The following SNTB1 variants were observed in gnomAD, a reference collection of about 807,000 sequenced individuals.
The protein encoded by SNTB1 is beta-1-syntrophin.
A neutral mutation model predicts 48.9 loss-of-function variants in SNTB1; 36 were observed. That is an observed-to-expected ratio of 0.74 (90% confidence interval 0.56 to 0.97). The LOEUF is 0.97. Among genes scored for constraint, SNTB1 ranks in the 50% least tolerant of loss-of-function variants. The pLI, the probability that SNTB1 is intolerant of heterozygous loss-of-function variation, is 0.00. For missense variants in SNTB1, 786 were observed against 703.4 expected, an observed-to-expected ratio of 1.12 and a Z score of -1.33; for synonymous variants, 299 against 294.6, an observed-to-expected ratio of 1.01 and a Z score of -0.15.
At chr8:120,553,753 C>T (rs114027208) in intron 4 of SNTB1, among the ~76,000 whole-genome samples, 9,647 of 152,200 alleles carry the variant, frequency 0.063, 673 homozygotes, top group African/African-American at 0.17. Flanking sequence ...AATCTCAGCA[C>T]TTTGGGAAGA....
chr8:120,663,648 G>C (rs554088378), intron 2 of SNTB1, among the ~76,000 whole-genome samples: 6 of 152,132 alleles, frequency 3.9e-5, no homozygotes, highest in African/African-American at 1.4e-4. Flanking sequence ...GGGGAAAGGT[G>C]GGCAAAAAAG....
In SNTB1 at chr8:120,558,820, T is replaced by C. The variant is rs1012806184; in HGVS notation, c.1137-9862A>G. 2.6e-5 allele frequency among the ~76,000 whole-genome samples: 4 copies of C among 152,308 alleles called. No homozygotes were observed. The East Asian group carries it at 7.7e-4, about 29-fold the overall frequency. ...AAATGAATATTGCATGGAGCAGTGT[T>C]TGGCACAGAATACATAGTAATAGTC... On this transcript the variant is annotated intron_variant, in intron 4 of 6. Coordinates refer to ENST00000517992, the MANE Select transcript of SNTB1 (RefSeq NM_021021.4).
chr8:120,573,475 T>C (rs6994929), intron 4 of SNTB1, among the ~76,000 whole-genome samples: 134,331 of 152,134 alleles, frequency 0.88, 59,579 homozygotes, highest in Middle Eastern at 0.94. Flanking sequence ...TCTCCCATTT[T>C]GTAAGTTGCC....
At chr8:120,564,629 C>T (rs957135247) in intron 4 of SNTB1, among the ~76,000 whole-genome samples, 3 of 117,454 alleles carry the variant, frequency 2.6e-5, no homozygotes, top group Admixed American at 1.3e-4. Context: ...AGTGCAATGG[C>T]GTGATATCGG....
At chr8:120,600,124 A>C (rs748381938) in intron 3 of SNTB1, among the ~76,000 whole-genome samples, 1 of 152,208 alleles carries the variant, frequency 6.6e-6, no homozygotes, top group Non-Finnish European at 1.5e-5. Context: ...TCCATCAAGA[A>C]GTAGAGTCTC....
chr8:120,775,314 C>G (rs555339973), intron 1 of SNTB1: 1 of 152,290 alleles, frequency 6.6e-6, no homozygotes, highest in East Asian at 1.9e-4. Flanking sequence ...AACATACTAA[C>G]CACATCCTGG....
intron 1 of SNTB1, among the ~76,000 whole-genome samples, chr8:120,712,811 T>C (rs1414144159): frequency 6.6e-6 from 1 of 152,098 alleles, no homozygotes; most frequent in Non-Finnish European, 1.5e-5. Context: ...ATGAAGAAGC[T>C]GAATCTCAGG....
chr8:120,596,883 A>G (rs559105321), intron 3 of SNTB1, among the ~76,000 whole-genome samples: 2 of 152,366 alleles, frequency 1.3e-5, no homozygotes, highest in African/African-American at 2.4e-5. Context: ...TTCAAGGTCC[A>G]TAACTTTAAT....
intron 5 of SNTB1, among the ~76,000 whole-genome samples, chr8:120,542,288 A>G (rs1815301485): frequency 6.6e-6 from 1 of 152,258 alleles, no homozygotes; most frequent in South Asian, 2.1e-4. Flanking sequence ...CTAACAACAC[A>G]CAGCTCTATA....
At position 120,807,441 on chromosome 8, in the gene SNTB1, C is replaced by T. The variant is rs145643294; in HGVS notation, c.571+3832G>A. 4.3e-3 allele frequency among the ~76,000 whole-genome samples: 648 copies of T among 152,330 alleles called. 3 individuals carry two copies. Among genetic ancestry groups the T allele is most frequent in the Admixed American group, 0.014 (210 of 15,298 alleles). The stretch of plus-strand genomic sequence containing the variant: ...ATGGCTGGATGCGCAGTCCCTGCCC[C>T]TACTCCTTAAAATGAGAAATGAGCT... On this transcript the variant is annotated intron_variant, in intron 1 of 6. Transcript: ENST00000517992.
chr8:120,689,083 A>G (rs1818082045), intron 2 of SNTB1, among the ~76,000 whole-genome samples: 1 of 152,246 alleles, frequency 6.6e-6, no homozygotes, highest in Non-Finnish European at 1.5e-5. Flanking sequence ...GACAGCCACT[A>G]GCATTGACAT....
chr8:120,691,352 C>T (rs1818124553), intron 2 of SNTB1, among the ~76,000 whole-genome samples: 1 of 152,144 alleles, frequency 6.6e-6, no homozygotes, highest in Non-Finnish European at 1.5e-5. Flanking sequence ...GAGTTTGAAG[C>T]CCAGCTAGAC....
At chr8:120,761,712 T>G (rs1819423264) in intron 1 of SNTB1, among the ~76,000 whole-genome samples, 1 of 152,226 alleles carries the variant, frequency 6.6e-6, no homozygotes, top group Non-Finnish European at 1.5e-5. Flanking sequence ...GATCATCAGG[T>G]AGATGCCAGC....
At chr8:120,585,124 A>G (rs1816118131) in intron 3 of SNTB1, among the ~76,000 whole-genome samples, 1 of 152,176 alleles carries the variant, frequency 6.6e-6, no homozygotes, top group Non-Finnish European at 1.5e-5. Context: ...TTCGAGCCCT[A>G]TGCTGTAGTT....
intron 2 of SNTB1, among the ~76,000 whole-genome samples, chr8:120,681,427 C>A (rs1252281592): frequency 6.6e-6 from 1 of 152,122 alleles, no homozygotes; most frequent in Non-Finnish European, 1.5e-5. Flanking sequence ...ACCTAAAGGG[C>A]CACAAAGAGA....
At chr8:120,752,315 T>TA (rs1183460788) in intron 1 of SNTB1, among the ~76,000 whole-genome samples, 1 of 152,160 alleles carries the variant, frequency 6.6e-6, no homozygotes, top group African/African-American at 2.4e-5. Context: ...ACCTATTATA[T>TA]ATGTAATATT....
intron 1 of SNTB1, among the ~76,000 whole-genome samples, chr8:120,754,113 C>T (rs1819270343): frequency 6.6e-6 from 1 of 152,188 alleles, no homozygotes; most frequent in Admixed American, 6.5e-5. Context: ...CTATTTGAAA[C>T]TATAAATACA....
At chr8:120,564,535 A>T (rs897785370) in intron 4 of SNTB1, among the ~76,000 whole-genome samples, 3 of 136,396 alleles carry the variant, frequency 2.2e-5, no homozygotes, top group Non-Finnish European at 4.8e-5. Context: ...AATTTTCATA[A>T]CTGCCCTGCA....
intron 1 of SNTB1, among the ~76,000 whole-genome samples, chr8:120,696,785 T>C (rs1399300454): frequency 6.6e-6 from 1 of 152,236 alleles, no homozygotes; most frequent in Non-Finnish European, 1.5e-5. Context: ...TAAAGTTATA[T>C]GGCTAGTAAG....
Sources: allele counts gnomAD v4.1 joint callset (sites outside exome capture counted in the v4.1 genomes callset), GRCh38; gene constraint gnomAD v4.1.1; transcripts MANE v1.5; gene names NCBI Gene and HGNC (gene_info 2026-07-23, HGNC 2026-07-21).